Variants in SIPA1L2 observed in about 807,000 individuals in gnomAD.
The protein encoded by SIPA1L2 is signal-induced proliferation-associated 1-like protein 2.
SIPA1L2 carries 56 observed loss-of-function variants against 163.9 expected under a neutral mutation model. The ratio of observed to expected loss-of-function variants is 0.34; its 90% CI spans 0.28 to 0.43. The LOEUF is 0.43. SIPA1L2 is among the 20% of genes least tolerant of loss of function. SIPA1L2 has a pLI of 1.00. For missense variants in SIPA1L2, 1,974 were observed against 2,193.5 expected (o/e 0.90, Z 2.00); for synonymous variants, 877 against 865.7 (o/e 1.01, Z -0.23).
chr1:232,417,518 G>GC (rs1010605493), intron 18 of SIPA1L2, among the ~76,000 whole-genome samples: 7 of 152,098 alleles, frequency 4.6e-5, no homozygotes, highest in African/African-American at 7.2e-5. Flanking sequence ...AAGCAGCAAC[G>GC]CAGGAGTGGG....
In SIPA1L2 at chr1:232,442,181, C is replaced by T. The variant is rs571536542; in HGVS notation, c.3438-313G>A. 5.9e-5 allele frequency among the ~76,000 whole-genome samples: 9 copies of T among 151,688 alleles called. No individual in the cohort carries two copies. In the East Asian group the frequency reaches 1.2e-3, roughly 20 times the overall value. ...GATCAAACAATGTACCTGCAAGCTACGGAGGAGGTCGCATTTTTACGTTAC... is the reference window on the plus strand; with the variant it reads ...GATCAAACAATGTACCTGCAAGCTATGGAGGAGGTCGCATTTTTACGTTAC... On this transcript the variant is annotated intron_variant, in intron 12 of 22. Transcript: ENST00000674635.
chr1:232,553,844 G>T (rs1195041088), intron 2 of SIPA1L2, among the ~76,000 whole-genome samples: 2 of 152,120 alleles, frequency 1.3e-5, no homozygotes, highest in African/African-American at 4.8e-5. Context: ...TTACAGAGGT[G>T]AGCCATCTGT....
Position 232,514,721 on chromosome 1 carries a change from T to G in SIPA1L2, c.619A>C (p.Asn207His). 6.2e-7 allele frequency: 1 copy of G among 1,614,176 alleles called. No individual in the cohort carries two copies. Among genetic ancestry groups the G allele is most frequent in the South Asian group, 1.1e-5 (1 of 91,088 alleles). The change falls in exon 3 of 23, where the codon AAC becomes CAC. Residue 207 changes from asparagine (N) to histidine (H), a missense_variant. Physicochemically the swap from Asn to His is moderately conservative, Grantham distance 68. Around this residue, in one of 3 missense-constraint regions of SIPA1L2, gnomAD observed 607 missense variants for 624.0 expected, o/e 0.97. Coordinates refer to ENST00000674635, the MANE Select transcript of SIPA1L2 (RefSeq NM_020808.5). Reference protein sequence around the residue: ...SIDRQGLSGENFFAMLRGYRV... With the variant: ...SIDRQGLSGEHFFAMLRGYRV... Reference sequence around the variant, plus strand: ...TACCCTCTGAGCATAGCAAAAAAGTTTTCACCAGATAAGCCTTGCCTGTCG... The same window carrying G: ...TACCCTCTGAGCATAGCAAAAAAGTGTTCACCAGATAAGCCTTGCCTGTCG...
intron 19 of SIPA1L2, among the ~76,000 whole-genome samples, chr1:232,408,244 A>AG (rs942702406): frequency 6.6e-6 from 1 of 151,982 alleles, no homozygotes; most frequent in African/African-American, 2.4e-5. Flanking sequence ...GGGGAGGCAC[A>AG]GGGCATCCAA....
intron 1 of SIPA1L2, among the ~76,000 whole-genome samples, chr1:232,575,066 A>C (rs574279508): frequency 2.6e-4 from 39 of 152,332 alleles, no homozygotes; most frequent in Admixed American, 1.2e-3. Flanking sequence ...TAAAATAATC[A>C]ACGTAAGAAT....
At chr1:232,433,115 A>G (rs1344222864) in intron 15 of SIPA1L2, among the ~76,000 whole-genome samples, 3 of 152,224 alleles carry the variant, frequency 2.0e-5, no homozygotes, top group Non-Finnish European at 4.4e-5. Context: ...GTTGATTAGA[A>G]GCACTGATTT....
chr1:232,400,891 C>A (rs931419173), intron 22 of SIPA1L2, among the ~76,000 whole-genome samples: 1 of 152,168 alleles, frequency 6.6e-6, no homozygotes, highest in Non-Finnish European at 1.5e-5. Context: ...GTTCCTACTT[C>A]TTGACCACCA....
chr1:232,475,097 T>C (rs975792338), intron 7 of SIPA1L2, among the ~76,000 whole-genome samples: 1 of 152,148 alleles, frequency 6.6e-6, no homozygotes, highest in African/African-American at 2.4e-5. Context: ...ATCCATATTC[T>C]CTAAACGCAC....
chr1:232,415,713 C>T (rs1661209226), intron 18 of SIPA1L2, 88 bp from the exon 19 acceptor site: 1 of 1,566,224 alleles, frequency 6.4e-7, no homozygotes, highest in Non-Finnish European at 8.7e-7. Flanking sequence ...ACCACTGCCC[C>T]TCCCAGAGTC....
chr1:232,620,408 G>A (rs1371199414), intron 1 of SIPA1L2, among the ~76,000 whole-genome samples: 3 of 152,152 alleles, frequency 2.0e-5, no homozygotes, highest in African/African-American at 4.8e-5. Flanking sequence ...GATGTGCTAA[G>A]CCTTTGCTAT....
At chr1:232,626,801 T>A (rs1277249097) in intron 1 of SIPA1L2, among the ~76,000 whole-genome samples, 1 of 152,184 alleles carries the variant, frequency 6.6e-6, no homozygotes, top group Non-Finnish European at 1.5e-5. Context: ...ATTACTCTAA[T>A]GCGTTCGTCT....
At chr1:232,606,485 T>C (rs563304173) in intron 1 of SIPA1L2, among the ~76,000 whole-genome samples, 1 of 152,152 alleles carries the variant, frequency 6.6e-6, no homozygotes, top group East Asian at 1.9e-4. Flanking sequence ...AATGCCAAAA[T>C]CTCTAACTTA....
intron 3 of SIPA1L2, among the ~76,000 whole-genome samples, chr1:232,508,772 C>T (rs1666848100): frequency 6.6e-6 from 1 of 152,220 alleles, no homozygotes; most frequent in Non-Finnish European, 1.5e-5. Flanking sequence ...ATTCACTCTA[C>T]TTGCTACTAT....
At chr1:232,530,209 G>T (rs1667907809) in intron 2 of SIPA1L2, among the ~76,000 whole-genome samples, 1 of 53,894 alleles carries the variant, frequency 1.9e-5, no homozygotes. Context: ...CCACCTCCCA[G>T]GTTCAAGCGA....
intron 3 of SIPA1L2, among the ~76,000 whole-genome samples, chr1:232,496,017 A>AT (rs1558222794): frequency 6.6e-6 from 1 of 152,190 alleles, no homozygotes; most frequent in South Asian, 2.1e-4. Context: ...TATTAAGTAA[A>AT]TTTTTTTATA....
In SIPA1L2 at chr1:232,619,773, T is replaced by TTA. The variant is rs547078379; in HGVS notation, c.-319+10094_-319+10095dup. Among the ~76,000 whole-genome samples, 122 of 152,312 alleles carry TTA rather than the reference T, an allele frequency of 8.0e-4. 1 individual carries two copies. The highest frequency in any genetic ancestry group is 2.7e-3 in the African/African-American group (113 of 41,568). ...CCCACATCCTTATTTTAAAATTGGA[T>TTA]TATAGTCACTGCCCCAGAAAGCTGA... On this transcript the variant is annotated intron_variant, in intron 1 of 22. Transcript: ENST00000674635.
At chr1:232,449,577 A>G (rs1663441527) in intron 10 of SIPA1L2, among the ~76,000 whole-genome samples, 1 of 151,082 alleles carries the variant, frequency 6.6e-6, no homozygotes, top group African/African-American at 2.4e-5. Flanking sequence ...TCCGGCAACT[A>G]CCAGACAGAC....
chr1:232,514,049 A>G lies in SIPA1L2; in HGVS notation c.1291T>C (p.Ser431Pro). The change falls in exon 3 of 23, where the codon TCA (serine) becomes CCA (proline). Residue 431 changes from serine to proline, a missense_variant. Ser to Pro is a moderately conservative substitution (Grantham distance 74). Transcript: ENST00000674635. ...DRRIALSRANSSSFSSGESCS... is the reference protein window; with the variant it reads ...DRRIALSRANPSSFSSGESCS... ...CTTTCCCCAGAACTGAAAGAGGATG[A>G]GTTGGCTCGAGAGAGCGCAATCCGC... is the stretch of plus-strand genomic sequence containing the variant. The G allele has an allele frequency of 6.2e-7, 1 of 1,614,218 alleles. No homozygotes were observed. Among genetic ancestry groups the G allele is most frequent in the Non-Finnish European group, 8.5e-7 (1 of 1,180,030 alleles).
chr1:232,456,698 C>CA (rs1186393045), intron 10 of SIPA1L2, among the ~76,000 whole-genome samples: 1 of 152,164 alleles, frequency 6.6e-6, no homozygotes, highest in Non-Finnish European at 1.5e-5. Flanking sequence ...GGCCAGAGGC[C>CA]AGGGCCATAC....
Sources: gnomAD v4.1 joint callset for allele counts (sites outside exome capture counted in the v4.1 genomes callset) on GRCh38, gnomAD v4.1.1 for gene constraint, gnomAD v4.1.1 regional missense constraint, MANE v1.5 for transcripts, NCBI Gene and HGNC (gene_info 2026-07-23, HGNC 2026-07-21) for gene names.